Variants in GALNT9 observed in about 807,000 individuals in gnomAD.
GALNT9 encodes polypeptide N-acetylgalactosaminyltransferase 9.
GALNT9 carries 47 observed loss-of-function variants against 63.1 expected under a neutral mutation model. The observed-to-expected ratio is 0.75, with a 90% confidence interval of 0.59 to 0.95. The LOEUF (loss-of-function observed/expected upper bound fraction) is 0.95, where lower values mean the gene tolerates loss of function less well. Among genes scored for constraint, GALNT9 ranks in the 40% least tolerant of loss-of-function variants. The pLI is 0.00. For synonymous variants in GALNT9, 396 were observed against 365.7 expected (o/e 1.08, Z -0.94); for missense variants, 829 against 874.8 (o/e 0.95, Z 0.66).
At position 132,203,672 on chromosome 12, in the gene GALNT9, TGCCGCCAC is replaced by T. The variant is rs773559848; in HGVS notation, c.1088_1095del (p.Cys363Ter). The T allele has an allele frequency of 1.9e-6, 3 of 1,612,802 alleles. No individual in the cohort carries two copies. Among genetic ancestry groups the T allele is most frequent in the African/African-American group, 2.7e-5 (2 of 74,862 alleles). ...CGGGAGCAGGGCAGCACCTCCATGC[TGCCGCCAC>T]ACTGCCACACCTGCGGGGAGACGGC... is the stretch of plus-strand genomic sequence containing the variant. On this transcript the variant is annotated frameshift_variant, in exon 7 of 11. Transcript: ENST00000328957. LOFTEE classifies it high-confidence loss of function.
chr12:132,201,104 G>A lies in GALNT9; in HGVS notation c.1401+20C>T, dbSNP rs879724241. The A allele has an allele frequency of 1.9e-6, 3 of 1,609,608 alleles. No individual in the cohort carries two copies. Among genetic ancestry groups the A allele is most frequent in the Non-Finnish European group, 2.5e-6 (3 of 1,177,326 alleles). On this transcript the variant is annotated intron_variant, in intron 8 of 10. Coordinates refer to ENST00000328957, the MANE Select transcript of GALNT9 (RefSeq NM_001122636.2). ...CAGAAAGCCTGTCGGGCCGAACGGGGCCCTCGGGGGAGGTGCTACCTCTCC... is the reference window on the plus strand; with the variant it reads ...CAGAAAGCCTGTCGGGCCGAACGGGACCCTCGGGGGAGGTGCTACCTCTCC...
intron 3 of GALNT9, 93 bp from the exon 4 acceptor site, chr12:132,261,215 G>A (rs1555239764): frequency 6.6e-7 from 1 of 1,520,972 alleles, no homozygotes; most frequent in African/African-American, 1.4e-5. Context: ...GCCGCGTGTG[G>A]GATGGGTGTA....
At chr12:132,230,688 G>A (rs1490748565) in intron 6 of GALNT9, among the ~76,000 whole-genome samples, 3 of 152,256 alleles carry the variant, frequency 2.0e-5, no homozygotes, top group Non-Finnish European at 4.4e-5. Context: ...GGTGAGGCCC[G>A]GTCCTCCTGT....
At chr12:132,267,172 G>A (rs541073532) in intron 2 of GALNT9, among the ~76,000 whole-genome samples, 1 of 152,048 alleles carries the variant, frequency 6.6e-6, no homozygotes, top group Non-Finnish European at 1.5e-5. Flanking sequence ...TTGAGCAGCC[G>A]AGAGGAGGGC....
intron 2 of GALNT9, among the ~76,000 whole-genome samples, chr12:132,281,803 G>A (rs565969928): frequency 2.3e-4 from 35 of 150,770 alleles, no homozygotes; most frequent in Non-Finnish European, 4.6e-4. Context: ...GGGGGTCCCC[G>A]ATCCCACAGA....
intron 6 of GALNT9, 76 bp from the exon 7 acceptor site, chr12:132,203,766 GA>G: frequency 6.7e-7 from 1 of 1,492,086 alleles, no homozygotes; most frequent in African/African-American, 1.5e-5. Flanking sequence ...GGGCCCGTGA[GA>G]GGCCAAGGGG....
intron 6 of GALNT9, among the ~76,000 whole-genome samples, chr12:132,222,934 CCCACACA>C (rs1877515385): frequency 7.8e-6 from 1 of 127,998 alleles, no homozygotes; most frequent in Non-Finnish European, 1.6e-5. Context: ...CAACCCACAC[CCCACACA>C]CACCACACAA....
chr12:132,267,783 A>ACACAGACGCACTCACACACATGCACT (rs1566006076), intron 2 of GALNT9, among the ~76,000 whole-genome samples: 1 of 124,756 alleles, frequency 8.0e-6, no homozygotes, highest in African/African-American at 3.4e-5. Context: ...ACACACACGC[A>ACACAGACGCACTCACACACATGCACT]CACACACGCA....
At chr12:132,291,088 A>T (rs1555242689) in intron 1 of GALNT9, among the ~76,000 whole-genome samples, 1 of 70,994 alleles carries the variant, frequency 1.4e-5, no homozygotes, top group African/African-American at 5.0e-5. Context: ...ACCCACGTCC[A>T]CATCACCCAC....
At chr12:132,290,220 C>T (rs73473523) in intron 1 of GALNT9, among the ~76,000 whole-genome samples, 1 of 152,096 alleles carries the variant, frequency 6.6e-6, no homozygotes, top group Admixed American at 6.5e-5. Context: ...CTGGACCTTG[C>T]AGAGCCAGGT....
intron 6 of GALNT9, among the ~76,000 whole-genome samples, chr12:132,229,160 T>C (rs951767307): frequency 2.6e-4 from 39 of 152,326 alleles, no homozygotes; most frequent in Non-Finnish European, 5.6e-4. Context: ...GCTGGAACAC[T>C]GTTCCCTGCA....
intron 1 of GALNT9, among the ~76,000 whole-genome samples, chr12:132,290,843 C>T (rs544014368): frequency 1.9e-5 from 1 of 52,900 alleles, no homozygotes; most frequent in Non-Finnish European, 3.3e-5. Context: ...ACAGCGCACA[C>T]GTCCACAGCA....
intron 6 of GALNT9, among the ~76,000 whole-genome samples, chr12:132,243,397 C>G (rs2136905355): frequency 3.9e-4 from 50 of 127,846 alleles, no homozygotes; most frequent in Admixed American, 4.7e-4. Context: ...CCGGAGCTCT[C>G]TCTGGTGGGG....
chr12:132,197,751 C>T (rs1231871178), intron 10 of GALNT9, 41 bp downstream of exon 10: 1 of 1,289,182 alleles, frequency 7.8e-7, no homozygotes, highest in East Asian at 2.5e-5. Flanking sequence ...AGCAGCCCTG[C>T]CCCGCCCCAA....
chr12:132,291,083 C>T (rs1880808848), intron 1 of GALNT9, among the ~76,000 whole-genome samples: 1 of 74,922 alleles, frequency 1.3e-5, no homozygotes, highest in African/African-American at 4.6e-5. Context: ...ACAGCACCCA[C>T]GTCCACATCA....
At position 132,315,640 on chromosome 12, in the gene GALNT9, G is replaced by A. The variant is rs892047415; in HGVS notation, c.238+13326C>T. Among the ~76,000 whole-genome samples, 8 of 152,182 alleles carry A rather than the reference G, an allele frequency of 5.3e-5. No individual in the cohort carries two copies. The highest frequency in any genetic ancestry group is 2.0e-4 in the Admixed American group (3 of 15,282). ...GCGGCTGCTGATCTGAGAAGGTCGCGTCTTCTGGGCCAGTCTCTGTGAAGG... is the reference window on the plus strand; with the variant it reads ...GCGGCTGCTGATCTGAGAAGGTCGCATCTTCTGGGCCAGTCTCTGTGAAGG... On this transcript the variant is annotated intron_variant, in intron 1 of 10. Coordinates refer to ENST00000328957, the MANE Select transcript of GALNT9 (RefSeq NM_001122636.2). The surrounding 1 kb of genome is among the most constrained non-coding windows in gnomAD (Gnocchi z 6.1).
At chr12:132,266,799 C>A (rs2135547883) in intron 2 of GALNT9, among the ~76,000 whole-genome samples, 1 of 152,342 alleles carries the variant, frequency 6.6e-6, no homozygotes, top group Admixed American at 6.5e-5. Flanking sequence ...GTGGCTCTGC[C>A]AGCACAGCGT....
intron 6 of GALNT9, chr12:132,240,656 C>G (rs1166616520): frequency 4.4e-6 from 2 of 454,236 alleles, no homozygotes; most frequent in Non-Finnish European, 8.9e-6. Flanking sequence ...CTCCTCTTCA[C>G]TCTCTGCCGT....
chr12:132,238,942 ACC>A lies in GALNT9; in HGVS notation c.1077+8966_1077+8967del, dbSNP rs1878102427. Among the ~76,000 whole-genome samples, 1 of 152,122 alleles carries A rather than the reference ACC, an allele frequency of 6.6e-6. No individual in the cohort carries two copies. Among genetic ancestry groups the A allele is most frequent in the Non-Finnish European group, 1.5e-5 (1 of 68,030 alleles). On this transcript the variant is annotated intron_variant, in intron 6 of 10. Coordinates refer to ENST00000328957, the MANE Select transcript of GALNT9 (RefSeq NM_001122636.2). The surrounding 1 kb of genome is among the most constrained non-coding windows in gnomAD (Gnocchi z 6.5). ...TACAAATAAATACAATAAGATACAC[ACC>A]GCAGTTAAAGTGGTTGGATACCACA...
Sources: gnomAD v4.1 joint callset for allele counts (sites outside exome capture counted in the v4.1 genomes callset) on GRCh38, gnomAD v4.1.1 for gene constraint, Gnocchi (gnomAD v3.1) non-coding constraint, MANE v1.5 for transcripts, NCBI Gene and HGNC (gene_info 2026-07-23, HGNC 2026-07-21) for gene names.